Variants in PALM2AKAP2 observed in about 807,000 individuals in gnomAD.
PALM2AKAP2 encodes PALM2-AKAP2 fusion protein.
PALM2AKAP2 carries 37 observed loss-of-function variants against 71.5 expected under a neutral mutation model. The ratio of observed to expected loss-of-function variants is 0.52; its 90% CI spans 0.40 to 0.68. The LOEUF is 0.68. Ranked by LOEUF, PALM2AKAP2 falls within the 30% of genes least tolerant of loss-of-function variation. The probability of loss-of-function intolerance (pLI) is 0.00; values close to 1 mark genes in which losing one functional copy is unlikely to be tolerated. For missense variants in PALM2AKAP2, 1,224 were observed against 1,191.8 expected (o/e 1.03, Z -0.40); for synonymous variants, 468 against 478.8 (o/e 0.98, Z 0.29).
At chr9:109,949,168 T>C (rs139683458) in intron 6 of PALM2AKAP2, among the ~76,000 whole-genome samples, 4 of 152,366 alleles carry the variant, frequency 2.6e-5, no homozygotes, top group South Asian at 4.1e-4. Context: ...TGTTCTCATA[T>C]AAGCCTGCAA....
intron 1 of PALM2AKAP2, among the ~76,000 whole-genome samples, chr9:109,644,182 T>A (rs1186631320): frequency 6.6e-6 from 1 of 152,144 alleles, no homozygotes; most frequent in Admixed American, 6.5e-5. Flanking sequence ...CCAATCTACA[T>A]CACTTAATAT....
intron 1 of PALM2AKAP2, among the ~76,000 whole-genome samples, chr9:110,057,389 G>GTTTTTTTTTTT (rs563181651): frequency 7.7e-6 from 1 of 129,832 alleles, no homozygotes; most frequent in Non-Finnish European, 1.6e-5. Context: ...TTGTTTTTTT[G>GTTTTTTTTTTT]TTTTTTTTTT....
intron 6 of PALM2AKAP2, among the ~76,000 whole-genome samples, chr9:109,986,130 A>G (rs1832373689): frequency 2.0e-5 from 3 of 152,228 alleles, no homozygotes; most frequent in Non-Finnish European, 4.4e-5. Context: ...AAGAAAGCTA[A>G]TATCTAATAA....
intron 1 of PALM2AKAP2, among the ~76,000 whole-genome samples, chr9:110,135,384 T>C (rs1466818981): frequency 7.2e-6 from 1 of 139,278 alleles, no homozygotes; most frequent in Non-Finnish European, 1.5e-5. Flanking sequence ...ATATGATGGG[T>C]TTTAAAACAT....
chr9:109,862,239 G>A (rs2131672157), intron 1 of PALM2AKAP2, among the ~76,000 whole-genome samples: 1 of 152,268 alleles, frequency 6.6e-6, no homozygotes, highest in South Asian at 2.1e-4. Context: ...GTAAGTGGTA[G>A]AAACATCACT....
intron 3 of PALM2AKAP2, among the ~76,000 whole-genome samples, chr9:109,898,649 C>G (rs1830260116): frequency 6.6e-6 from 1 of 152,162 alleles, no homozygotes; most frequent in Non-Finnish European, 1.5e-5. Flanking sequence ...TTATGAAGAT[C>G]TTAGGAATTT....
intron 1 of PALM2AKAP2, among the ~76,000 whole-genome samples, chr9:109,844,930 G>GGT (rs755750905): frequency 3.3e-5 from 2 of 61,052 alleles, no homozygotes; most frequent in South Asian, 1.6e-3. Flanking sequence ...GCCAGAAAAT[G>GGT]ATGTGTGTGT....
At chr9:110,059,924 C>T (rs1588084185) in intron 1 of PALM2AKAP2, among the ~76,000 whole-genome samples, 1 of 152,080 alleles carries the variant, frequency 6.6e-6, no homozygotes, top group African/African-American at 2.4e-5. Context: ...CAGTAATTGT[C>T]TTGAGAAAAG....
At chr9:109,642,534 A>G (rs1037089569) in intron 1 of PALM2AKAP2, among the ~76,000 whole-genome samples, 3 of 149,754 alleles carry the variant, frequency 2.0e-5, no homozygotes, top group African/African-American at 7.4e-5. Context: ...AGTCTACAGC[A>G]TTTATTGGGG....
At chr9:109,914,225 T>C (rs1830636127) in intron 3 of PALM2AKAP2, among the ~76,000 whole-genome samples, 1 of 152,212 alleles carries the variant, frequency 6.6e-6, no homozygotes, top group Non-Finnish European at 1.5e-5. Context: ...GTGACCAAGA[T>C]GGCAGTTTGT....
At chr9:110,071,517 A>G (rs1487901226) in intron 1 of PALM2AKAP2, among the ~76,000 whole-genome samples, 1 of 152,170 alleles carries the variant, frequency 6.6e-6, no homozygotes, top group Admixed American at 6.5e-5. Context: ...GACGTCTTTG[A>G]CAGTTCATAA....
intron 1 of PALM2AKAP2, among the ~76,000 whole-genome samples, chr9:109,694,556 GAT>G (rs1827941623): frequency 6.6e-6 from 1 of 151,974 alleles, no homozygotes; most frequent in Non-Finnish European, 1.5e-5. Flanking sequence ...ACTATTAAGA[GAT>G]AGAAAAGTTT....
intron 1 of PALM2AKAP2, among the ~76,000 whole-genome samples, chr9:109,852,754 TG>T (rs1387886335): frequency 6.6e-6 from 1 of 152,180 alleles, no homozygotes; most frequent in Non-Finnish European, 1.5e-5. Flanking sequence ...TATCTCATTG[TG>T]GTTTTGGTTT....
intron 3 of PALM2AKAP2, among the ~76,000 whole-genome samples, chr9:109,890,186 A>G (rs1163303992): frequency 6.6e-6 from 1 of 152,232 alleles, no homozygotes; most frequent in Non-Finnish European, 1.5e-5. Context: ...ATGGTGTCTC[A>G]GTCCTTTCCA....
chr9:109,943,983 G>A (rs557167405), intron 6 of PALM2AKAP2: 3 of 153,920 alleles, frequency 1.9e-5, no homozygotes, highest in East Asian at 1.9e-4. Context: ...TAAGCTTCCA[G>A]ATTACAGTAT....
intron 1 of PALM2AKAP2, among the ~76,000 whole-genome samples, chr9:109,824,560 G>A (rs1001502355): frequency 3.3e-5 from 5 of 152,164 alleles, no homozygotes; most frequent in Admixed American, 3.3e-4. Context: ...AGGCCCTAAT[G>A]ACATATTTGG....
intron 1 of PALM2AKAP2, among the ~76,000 whole-genome samples, chr9:109,733,376 G>A (rs1828584231): frequency 6.6e-6 from 1 of 152,150 alleles, no homozygotes; most frequent in Non-Finnish European, 1.5e-5. Context: ...TCTCACACTG[G>A]TTAACAATAC....
intron 6 of PALM2AKAP2, among the ~76,000 whole-genome samples, chr9:109,971,880 C>G (rs893913230): frequency 6.6e-6 from 1 of 152,192 alleles, no homozygotes; most frequent in Non-Finnish European, 1.5e-5. Flanking sequence ...GCAAGCCATT[C>G]CTCCAAGACA....
intron 3 of PALM2AKAP2, among the ~76,000 whole-genome samples, chr9:109,896,925 G>A (rs775719786): frequency 2.0e-5 from 3 of 152,194 alleles, no homozygotes; most frequent in Non-Finnish European, 4.4e-5. Context: ...TAACTGAAAT[G>A]TTCAGTTCCA....
Sources: allele counts gnomAD v4.1 joint callset (sites outside exome capture counted in the v4.1 genomes callset), GRCh38; gene constraint gnomAD v4.1.1; transcripts MANE v1.5; gene names NCBI Gene and HGNC (gene_info 2026-07-23, HGNC 2026-07-21).